RUSC1: variants seen among roughly 807,000 people sequenced by gnomAD.
RUSC1 encodes RUN and SH3 domain containing 1.
A neutral mutation model predicts 72.1 loss-of-function variants in RUSC1; 40 were observed. The observed-to-expected ratio is 0.55, with a 90% CI of 0.43 to 0.72. RUSC1 has a LOEUF of 0.72. Among genes scored for constraint, RUSC1 ranks in the 30% least tolerant of loss-of-function variants. The pLI, the probability that RUSC1 is intolerant of heterozygous loss-of-function variation, is 0.00. For missense variants in RUSC1, 1,092 were observed against 1,172.3 expected, an observed-to-expected ratio of 0.93 and a Z score of 1.00; for synonymous variants, 512 against 494.2, an observed-to-expected ratio of 1.04 and a Z score of -0.48.
chr1:155,325,640 C>T lies in RUSC1; in HGVS notation c.1782C>T (p.Ser594=), dbSNP rs1439238891. The change falls in exon 6 of 10, where the codon AGC becomes AGT. Residue 594 remains serine, a synonymous_variant. Transcript: ENST00000368352. This position sits in a 1 kb window ranked among gnomAD's most constrained non-coding sequence, Gnocchi z 6.5. ...TAGCCCCGCTGAGCAGCAGCCGTAG[C>T]CGCTTCCATGCCTTTATCCTGGGCC... ...SRLAPLSSSR[S]RFHAFILGLL... is the part of the protein sequence containing the mutation. The T allele has an allele frequency of 6.2e-7, 1 of 1,613,738 alleles. No homozygotes were observed. The highest frequency in any genetic ancestry group is 8.5e-7 in the Non-Finnish European group (1 of 1,180,028).
In RUSC1 at chr1:155,324,199, G is replaced by C. The variant is rs932277496; in HGVS notation, c.1358-646G>C. ...GCCTGCCCCCCGACCTTGCTAGGGA[G>C]GGGTGGAGGGTGAAGCTCCCGGGAG... On this transcript the variant is annotated intron_variant, in intron 2 of 9. Coordinates refer to ENST00000368352, the MANE Select transcript of RUSC1 (RefSeq NM_001105203.2). 8.5e-6 allele frequency: 12 copies of C among 1,406,522 alleles called. No individual in the cohort carries two copies. In the South Asian group the frequency reaches 1.5e-4, roughly 18 times the overall value. 87.1% of individuals were successfully genotyped at this position (1,406,522 alleles called of 1,614,324 possible). A position where few individuals can be genotyped will look rare whatever the true frequency, so the allele number is the denominator to read the frequency against.
At position 155,322,084 on chromosome 1, in the gene RUSC1, CCTCACTCAGCTCCTG is replaced by C; in HGVS notation, c.316_330del (p.Leu106_Ser110del). On this transcript the variant is annotated inframe_deletion, in exon 2 of 10. Coordinates refer to ENST00000368352, the MANE Select transcript of RUSC1 (RefSeq NM_001105203.2). ...TCTCCCTCAGACCCAGGCTGCTCCT[CCTCACTCAGCTCCTG>C]CTCAGATCTTAGCCCCGATGAGTCC... is the stretch of plus-strand genomic sequence containing the variant. 6.2e-7 allele frequency: 1 copy of C among 1,613,888 alleles called. No individual in the cohort carries two copies. Among genetic ancestry groups the C allele is most frequent in the Non-Finnish European group, 8.5e-7 (1 of 1,179,824 alleles).
intron 2 of RUSC1, 73 bp downstream of exon 2, chr1:155,323,203 C>T (rs1650807389): frequency 7.3e-7 from 1 of 1,363,990 alleles, no homozygotes; most frequent in Non-Finnish European, 9.4e-7. Context: ...CAACCCGGCC[C>T]CCTGTCTTCC....
rs747632938 is a variant in RUSC1, at chr1:155,324,952, C to T, written c.1456+9C>T. The T allele has an allele frequency of 1.2e-6, 2 of 1,614,012 alleles. No homozygotes were observed. Among genetic ancestry groups the T allele is most frequent in the African/African-American group, 1.3e-5 (1 of 74,940 alleles). ...GCAGGAGCAGAAGAAAGGTAGGGCACCCTGACTCCCGACCCCGCGCTTCCG... is the reference window on the plus strand; with the variant it reads ...GCAGGAGCAGAAGAAAGGTAGGGCATCCTGACTCCCGACCCCGCGCTTCCG... On this transcript the variant is annotated intron_variant, in intron 3 of 9. Transcript: ENST00000368352.
intron 2 of RUSC1, chr1:155,324,317 G>C: frequency 6.3e-7 from 1 of 1,579,194 alleles, no homozygotes; most frequent in East Asian, 2.3e-5. Flanking sequence ...GGCTGCTGCG[G>C]GACCCGGGTT....
Position 155,322,022 on chromosome 1 carries a change from C to T in RUSC1, c.249C>T (p.Asn83=), listed in dbSNP as rs903838262. The change falls in exon 2 of 10, where the codon AAC becomes AAT. Residue 83 remains asparagine, a synonymous_variant. Transcript: ENST00000368352. ...AGGAGCACGGTCCGGGCCTAGAAAA[C>T]CGGCAGGACCCGTCACAGGAGGAAG... ...CCQEHGPGLE[N]RQDPSQEEEG... 4 of 1,609,448 alleles carry T rather than the reference C, an allele frequency of 2.5e-6. No homozygotes were observed. The highest frequency in any genetic ancestry group is 3.4e-5 in the Admixed American group (2 of 59,586).
chr1:155,324,967 C>T (rs759429950), intron 3 of RUSC1, 24 bp downstream of exon 3: 15 of 1,614,080 alleles, frequency 9.3e-6, no homozygotes, highest in Non-Finnish European at 1.2e-5. Context: ...ACTCCCGACC[C>T]CGCGCTTCCG....
At chr1:155,323,263 C>G (rs1191225216) in intron 2 of RUSC1, 133 bp downstream of exon 2, 4 of 1,046,582 alleles carry the variant, frequency 3.8e-6, no homozygotes, top group Admixed American at 3.7e-5. Context: ...AGGGAGCGCT[C>G]CGGGAAAGGG....
rs1304353600 is a variant in RUSC1 at position 155,324,488 on chromosome 1, TC to T, written c.1358-354del. The T allele has an allele frequency of 2.5e-6, 4 of 1,606,214 alleles. No individual in the cohort carries two copies. The African/African-American group carries it at 5.4e-5, about 22-fold the overall frequency. On this transcript the variant is annotated intron_variant, in intron 2 of 9. Transcript: ENST00000368352. ...CCGGGGCGGTGCGCTGGGCTACACC[TC>T]CCTCCCCGCGCCCCGTCCTCTCCCG...
intron 2 of RUSC1, chr1:155,323,919 T>G (rs1053939640): frequency 3.7e-5 from 37 of 990,578 alleles, no homozygotes; most frequent in Non-Finnish European, 4.4e-5. Flanking sequence ...CCCAGCTTAG[T>G]CCCGCCCTTC....
rs758778447 is a variant in RUSC1, at chr1:155,324,912, T to G, written c.1425T>G (p.Ser475Arg). The change falls in exon 3 of 10, where the codon AGT becomes AGG. Residue 475 changes from serine (S) to arginine (R), a missense_variant. Ser to Arg is a moderately radical substitution (Grantham distance 110). Coordinates refer to ENST00000368352, the MANE Select transcript of RUSC1 (RefSeq NM_001105203.2). ...GGCTGTGGATGGCAGAAGCCCAGAGTGGGACTGGTCAGCTGCAGGAGCAGA... is the reference window on the plus strand; with the variant it reads ...GGCTGTGGATGGCAGAAGCCCAGAGGGGGACTGGTCAGCTGCAGGAGCAGA... ...AQRLWMAEAQ[S>R]GTGQLQEQKK... 1.9e-4 allele frequency: 303 copies of G among 1,613,856 alleles called. 2 individuals are homozygous for G. The highest frequency in any genetic ancestry group is 4.9e-4 in the Middle Eastern group (3 of 6,076).
intron 2 of RUSC1, chr1:155,324,322 C>CG (rs1650993484): frequency 1.8e-5 from 28 of 1,583,528 alleles, no homozygotes; most frequent in Non-Finnish European, 2.2e-5. Flanking sequence ...CTGCGGGACC[C>CG]GGGTTTCCCC....
At position 155,327,026 on chromosome 1, in the gene RUSC1, C is replaced by A. The variant is rs1442787740; in HGVS notation, c.2308C>A (p.Pro770Thr). The part of the protein sequence containing the change: ...TAAEEGAQER[P>T]LPTDEMAPGR... ...AGCTGAAGAAGGTGCACAGGAGAGACCCCTGCCCACAGATGAGATGGCACC... is the reference window on the plus strand; with the variant it reads ...AGCTGAAGAAGGTGCACAGGAGAGAACCCTGCCCACAGATGAGATGGCACC... The change falls in exon 8 of 10, where the codon CCC (proline) becomes ACC (threonine). Residue 770 changes from proline (P) to threonine (T), a missense_variant. Pro to Thr is a conservative substitution (Grantham distance 38, BLOSUM62 -1). Transcript: ENST00000368352. The A allele has an allele frequency of 1.9e-6, 3 of 1,613,516 alleles. No individual in the cohort carries two copies. Among genetic ancestry groups the A allele is most frequent in the Admixed American group, 1.7e-5 (1 of 60,028 alleles).
At position 155,328,174 on chromosome 1, in the gene RUSC1, G is replaced by C; in HGVS notation, c.2439G>C (p.Pro813=). ...KSRRPSSWLP[P]TVSVLALVKR... is the part of the protein sequence containing the mutation. ...GGAGACCATCTAGCTGGCTGCCCCC[G>C]ACAGTGAGTGTGTTGGCTCTTGTGA... Residue 813 remains proline, a synonymous_variant, in exon 9 of 10, where the codon CCG becomes CCC. Transcript: ENST00000368352. 6.2e-7 allele frequency: 1 copy of C among 1,613,332 alleles called. No homozygotes were observed. Among genetic ancestry groups the C allele is most frequent in the Non-Finnish European group, 8.5e-7 (1 of 1,179,718 alleles).
chr1:155,330,597 G>A lies in RUSC1; in HGVS notation c.*26G>A. On this transcript the variant is annotated 3_prime_UTR_variant, in exon 10 of 10. Transcript: ENST00000368352. ...CCCTGGGACCCTTTCCTGCGTATGT[G>A]TCTCCTTCCTGTCACCTGGGAATGG... is the stretch of plus-strand genomic sequence containing the variant. 1 of 1,536,518 alleles carries A rather than the reference G, an allele frequency of 6.5e-7. No homozygotes were observed. Among genetic ancestry groups the A allele is most frequent in the Non-Finnish European group, 8.8e-7 (1 of 1,138,280 alleles).
rs555630990 is a variant in RUSC1, at chr1:155,323,059, G to A, written c.1286G>A (p.Arg429Gln). Residue 429 changes from arginine to glutamine, a missense_variant, in exon 2 of 10, where the codon CGG becomes CAG. Coordinates refer to ENST00000368352, the MANE Select transcript of RUSC1 (RefSeq NM_001105203.2). Reference sequence around the variant, plus strand: ...GCGGAGGGGCAGTCCGAGGAGGGCCGGGCTGTCAGCCCAGCGGCTGGCGAG... The same window carrying A: ...GCGGAGGGGCAGTCCGAGGAGGGCCAGGCTGTCAGCCCAGCGGCTGGCGAG... Reference protein sequence around the residue: ...PIAEGQSEEGRAVSPAAGEEA... With the variant: ...PIAEGQSEEGQAVSPAAGEEA... The A allele has an allele frequency of 3.5e-6, 5 of 1,437,108 alleles. No individual in the cohort carries two copies. The South Asian group carries it at 4.4e-5, about 13-fold the overall frequency. The allele number at this position is 1,437,108 out of a possible 1,614,324, so 89.0% of individuals were successfully genotyped here.
At chr1:155,321,482 G>A (rs767563252) in intron 1 of RUSC1, 21 of 1,475,018 alleles carry the variant, frequency 1.4e-5, no homozygotes, top group East Asian at 8.9e-5. Context: ...GACCCTCCCG[G>A]CTCCATTCCC....
chr1:155,321,121 G>A (rs1347525145), intron 1 of RUSC1, 130 bp downstream of exon 1: 6 of 1,384,186 alleles, frequency 4.3e-6, no homozygotes, highest in Admixed American at 1.9e-5. Flanking sequence ...CGAATGCGGA[G>A]AGAATGGACA....
At chr1:155,328,494 A>C (rs1651660874) in intron 9 of RUSC1, among the ~76,000 whole-genome samples, 1 of 150,986 alleles carries the variant, frequency 6.6e-6, no homozygotes, top group Non-Finnish European at 1.5e-5. Flanking sequence ...GCTGGAGTGC[A>C]GGGGCACAAT....
Sources: gnomAD v4.1 joint callset for allele counts (sites outside exome capture counted in the v4.1 genomes callset) on GRCh38, gnomAD v4.1.1 for gene constraint, Gnocchi (gnomAD v3.1) non-coding constraint, MANE v1.5 for transcripts, NCBI Gene and HGNC (gene_info 2026-07-23, HGNC 2026-07-21) for gene names.